AFG1L: variants seen among roughly 807,000 people sequenced by gnomAD.
The protein encoded by AFG1L is AFG1 like ATPase, also known as AFG1-like ATPase.
In AFG1L, 53 loss-of-function variants were observed where a neutral mutation model predicts 62.2. The observed-to-expected ratio is 0.85, with a 90% CI of 0.68 to 1.07. AFG1L has a LOEUF of 1.07. Among genes scored for constraint, AFG1L ranks in the 50% least tolerant of loss-of-function variants. The probability of loss-of-function intolerance (pLI) is 0.00; values close to 1 mark genes in which losing one functional copy is unlikely to be tolerated. For missense variants in AFG1L, 555 were observed against 590.5 expected (o/e 0.94, Z 0.62); for synonymous variants, 228 against 210.3 (o/e 1.08, Z -0.73).
intron 3 of AFG1L, among the ~76,000 whole-genome samples, chr6:108,351,836 G>A (rs1355233577): frequency 1.3e-5 from 2 of 150,746 alleles, no homozygotes; most frequent in African/African-American, 4.9e-5. Context: ...TCCATTTTCA[G>A]AACATGAGTG....
chr6:108,310,379 A>G (rs1210404041), intron 1 of AFG1L, among the ~76,000 whole-genome samples: 4 of 152,206 alleles, frequency 2.6e-5, no homozygotes, highest in Non-Finnish European at 5.9e-5. Flanking sequence ...GATATTGAGT[A>G]TCATTTCATG....
chr6:108,300,084 A>G (rs1434898247), intron 1 of AFG1L, among the ~76,000 whole-genome samples: 1 of 152,154 alleles, frequency 6.6e-6, no homozygotes, highest in East Asian at 1.9e-4. Flanking sequence ...TGCCTCTATT[A>G]AATGATGATT....
At chr6:108,445,765 CCCTAAAACAATTACAGTA>C (rs1209424714) in intron 7 of AFG1L, among the ~76,000 whole-genome samples, 1 of 151,698 alleles carries the variant, frequency 6.6e-6, no homozygotes, top group Non-Finnish European at 1.5e-5. Flanking sequence ...GTTTGTGGTA[CCCTAAAACAATTACAGTA>C]ATAGCATCAA....
intron 6 of AFG1L, among the ~76,000 whole-genome samples, chr6:108,370,479 G>A (rs1008001854): frequency 1.5e-4 from 23 of 152,176 alleles, no homozygotes; most frequent in Middle Eastern, 6.8e-3. Context: ...TCACCTGGTG[G>A]AAGAGGGCTG....
intron 2 of AFG1L, among the ~76,000 whole-genome samples, chr6:108,343,911 G>A (rs931300981): frequency 1.3e-5 from 2 of 152,186 alleles, no homozygotes; most frequent in Non-Finnish European, 2.9e-5. Context: ...GCTACATTTA[G>A]TAGAGAAAGA....
intron 7 of AFG1L, among the ~76,000 whole-genome samples, chr6:108,421,944 A>G (rs1770611506): frequency 1.3e-5 from 2 of 152,146 alleles, no homozygotes; most frequent in South Asian, 4.1e-4. Flanking sequence ...CACATGAAAA[A>G]GATGCTTGCT....
intron 6 of AFG1L, among the ~76,000 whole-genome samples, chr6:108,394,131 T>TTCCCC (rs1259605578): frequency 8.9e-5 from 9 of 101,310 alleles, no homozygotes; most frequent in Non-Finnish European, 9.7e-5. Context: ...CTCCCTTCCC[T>TTCCCC]TCCCCTCCCC....
At chr6:108,472,682 T>C (rs1772943565) in intron 8 of AFG1L, among the ~76,000 whole-genome samples, 2 of 113,902 alleles carry the variant, frequency 1.8e-5, no homozygotes, top group Admixed American at 2.0e-4. Flanking sequence ...CCGAGCTATC[T>C]TTTTTTTTTT....
At chr6:108,510,910 C>T (rs1042462521) in intron 11 of AFG1L, among the ~76,000 whole-genome samples, 2 of 151,838 alleles carry the variant, frequency 1.3e-5, no homozygotes, top group Non-Finnish European at 2.9e-5. Flanking sequence ...AATCCTAGCT[C>T]TACAAAAAAT....
chr6:108,353,153 ATTTTTTTTT>A (rs35734578), intron 3 of AFG1L, among the ~76,000 whole-genome samples: 2 of 121,020 alleles, frequency 1.7e-5, no homozygotes, highest in African/African-American at 6.1e-5. Flanking sequence ...ACAATGTTTA[ATTTTTTTTT>A]TTTTTTTTTG....
chr6:108,385,864 G>T (rs1339050946), intron 6 of AFG1L, among the ~76,000 whole-genome samples: 5 of 152,136 alleles, frequency 3.3e-5, no homozygotes, highest in Non-Finnish European at 7.4e-5. Flanking sequence ...TAATCCCAGT[G>T]CTTTGGGAGG....
At chr6:108,407,491 C>T (rs931506210) in intron 7 of AFG1L, among the ~76,000 whole-genome samples, 2 of 152,008 alleles carry the variant, frequency 1.3e-5, no homozygotes, top group African/African-American at 4.8e-5. Flanking sequence ...CCAGCCTGAG[C>T]AACATAGTGA....
intron 7 of AFG1L, among the ~76,000 whole-genome samples, chr6:108,438,276 G>T (rs1771397400): frequency 6.6e-6 from 1 of 152,176 alleles, no homozygotes; most frequent in Admixed American, 6.5e-5. Flanking sequence ...GTGGCTAGAA[G>T]GACAAAGACG....
intron 10 of AFG1L, among the ~76,000 whole-genome samples, chr6:108,481,389 T>C (rs1192444632): frequency 6.6e-6 from 1 of 152,110 alleles, no homozygotes; most frequent in Non-Finnish European, 1.5e-5. Flanking sequence ...CAAAATGTGG[T>C]TTATAGACCT....
intron 7 of AFG1L, among the ~76,000 whole-genome samples, chr6:108,438,007 A>G (rs562347250): frequency 1.3e-5 from 2 of 152,338 alleles, no homozygotes; most frequent in African/African-American, 4.8e-5. Flanking sequence ...GTGGCTGCAG[A>G]AAGAGTCAGA....
intron 6 of AFG1L, among the ~76,000 whole-genome samples, chr6:108,379,434 A>G (rs900542562): frequency 6.6e-6 from 1 of 152,146 alleles, no homozygotes; most frequent in Admixed American, 6.5e-5. Flanking sequence ...CTTGATCCTT[A>G]TTTACTGGCA....
chr6:108,368,913 C>A (rs971424793), intron 6 of AFG1L, among the ~76,000 whole-genome samples: 1 of 152,104 alleles, frequency 6.6e-6, no homozygotes, highest in Non-Finnish European at 1.5e-5. Context: ...TGAGCTGGAG[C>A]CACCCTTCTG....
At chr6:108,306,002 C>T (rs1777185504) in intron 1 of AFG1L, among the ~76,000 whole-genome samples, 1 of 152,190 alleles carries the variant, frequency 6.6e-6, no homozygotes, top group Admixed American at 6.5e-5. Flanking sequence ...CTCCCGGGTT[C>T]AAGTGATTCT....
At chr6:108,311,032 A>C (rs1390658923) in intron 1 of AFG1L, among the ~76,000 whole-genome samples, 5 of 152,146 alleles carry the variant, frequency 3.3e-5, no homozygotes, top group Admixed American at 1.3e-4. Flanking sequence ...TTTTGGCTTA[A>C]GAGAAGGCAT....
Sources: gnomAD v4.1 joint callset for allele counts (sites outside exome capture counted in the v4.1 genomes callset) on GRCh38, gnomAD v4.1.1 for gene constraint, MANE v1.5 for transcripts, NCBI Gene and HGNC (gene_info 2026-07-23, HGNC 2026-07-21) for gene names.